Variants in ROS1 observed in about 807,000 individuals in gnomAD.
ROS1 encodes the protein ROS proto-oncogene 1, receptor tyrosine kinase.
Under a neutral mutation model 273.5 loss-of-function variants are expected in ROS1, and 263 were observed. That is an observed-to-expected ratio of 0.96 (90% CI 0.87 to 1.06). ROS1 has a LOEUF of 1.06. ROS1 is among the 50% of genes least tolerant of loss of function. ROS1 has a pLI of 0.00. For missense variants in ROS1, 2,833 were observed against 2,751.1 expected, an observed-to-expected ratio of 1.03 and a Z score of -0.67; for synonymous variants, 1,008 against 954.1, an observed-to-expected ratio of 1.06 and a Z score of -1.04.
chr6:117,310,964 C>T (rs1775498760), intron 40 of ROS1, 56 bp downstream of exon 40: 2 of 1,053,790 alleles, frequency 1.9e-6, no homozygotes, highest in Admixed American at 2.0e-5. Flanking sequence ...ACCTGCACTA[C>T]AGGTGATTAT....
intron 43 of ROS1, among the ~76,000 whole-genome samples, chr6:117,295,450 C>T (rs1477823161): frequency 6.6e-6 from 1 of 152,014 alleles, no homozygotes; most frequent in East Asian, 1.9e-4. Flanking sequence ...TGAGCAACAC[C>T]CCACAAGCAC....
At chr6:117,367,965 G>C (rs961110278) in intron 18 of ROS1, among the ~76,000 whole-genome samples, 1 of 152,030 alleles carries the variant, frequency 6.6e-6, no homozygotes, top group Non-Finnish European at 1.5e-5. Flanking sequence ...TCCTACTCTT[G>C]GTTAGTCATC....
Position 117,397,096 on chromosome 6 carries a change from T to C in ROS1, c.625A>G (p.Ile209Val), listed in dbSNP as rs746782086. The change falls in exon 8 of 44, where the codon ATT (isoleucine) becomes GTT (valine). Residue 209 changes from isoleucine to valine, a missense_variant. Coordinates refer to ENST00000368507, the MANE Select transcript of ROS1 (RefSeq NM_001378902.1). ...PHGVPETAPLIRNIESSSPDT... is the reference protein window; with the variant it reads ...PHGVPETAPLVRNIESSSPDT... ...GGACTTGAGCTCTCAATATTCCTAA[T>C]CAAAGGTGCAGTTTCAGGAACTGGA... is the stretch of plus-strand genomic sequence containing the variant. 9.3e-6 allele frequency: 15 copies of C among 1,612,898 alleles called. 2 individuals are homozygous for C. The South Asian group carries it at 1.4e-4, about 15-fold the overall frequency.
At chr6:117,403,752 T>C (rs1284345489) in intron 6 of ROS1, among the ~76,000 whole-genome samples, 1 of 152,198 alleles carries the variant, frequency 6.6e-6, no homozygotes, top group Middle Eastern at 3.2e-3. Context: ...GAAGGAATAG[T>C]ATATATGTCC....
intron 16 of ROS1, among the ~76,000 whole-genome samples, chr6:117,385,276 C>T (rs769629321): frequency 1.3e-5 from 2 of 152,044 alleles, no homozygotes; most frequent in Non-Finnish European, 2.9e-5. Context: ...GAGATGAGGC[C>T]GGGAGCGGTG....
At chr6:117,408,932 G>A (rs1249639694) in intron 5 of ROS1, among the ~76,000 whole-genome samples, 1 of 151,956 alleles carries the variant, frequency 6.6e-6, no homozygotes, top group Non-Finnish European at 1.5e-5. Context: ...GATGAAGCTG[G>A]AAACCATCAT....
In ROS1 at chr6:117,396,947, C is replaced by A; in HGVS notation, c.774G>T (p.Gln258His). Residue 258 changes from glutamine to histidine, a missense_variant, in exon 8 of 44, where the codon CAG becomes CAT. Physicochemically the swap from Gln to His is conservative, Grantham distance 24. Transcript: ENST00000368507. ...LDAGTQRTSFQFYSTLPNTIY... is the reference protein window; with the variant it reads ...LDAGTQRTSFHFYSTLPNTIY... ...TAGTATTTGGTAAAGTGGAGTAAAA[C>A]TGGAAACTGGTTCTCTGTGTCCCTG... is the stretch of plus-strand genomic sequence containing the variant. 2 of 1,614,022 alleles carry A rather than the reference C, an allele frequency of 1.2e-6. No homozygotes were observed. Among genetic ancestry groups the A allele is most frequent in the Non-Finnish European group, 1.7e-6 (2 of 1,179,912 alleles).
At chr6:117,329,274 T>G in intron 33 of ROS1, 55 bp downstream of exon 33, 1 of 822,892 alleles carries the variant, frequency 1.2e-6, no homozygotes, top group Non-Finnish European at 2.0e-6. Context: ...TTGATTACTT[T>G]ATAATTATCT....
At chr6:117,402,088 C>A (rs1165142736) in intron 7 of ROS1, among the ~76,000 whole-genome samples, 1 of 152,080 alleles carries the variant, frequency 6.6e-6, no homozygotes, top group African/African-American at 2.4e-5. Context: ...CGCATCAGAT[C>A]GTGTCACTCC....
At chr6:117,311,163 T>C (rs1428588861) in intron 39 of ROS1, 46 bp from the exon 40 acceptor site, 6 of 1,106,010 alleles carry the variant, frequency 5.4e-6, no homozygotes, top group Non-Finnish European at 8.2e-6. Flanking sequence ...CTAGTTTGCA[T>C]GAAATATATA....
Position 117,359,912 on chromosome 6 carries a change from C to T in ROS1, c.3530G>A (p.Arg1177Lys). The T allele has an allele frequency of 6.2e-7, 1 of 1,613,832 alleles. No individual in the cohort carries two copies. Among genetic ancestry groups the T allele is most frequent in the South Asian group, 1.1e-5 (1 of 91,068 alleles). The part of the protein sequence containing the change: ...NQVVWTFSAE[R>K]VISAVCYTAD... ...TGTGTAGCAAACGGCACTGATAACT[C>T]TTTCTGCTGAAAACGTCCACACAAC... The change falls in exon 24 of 44, where the codon AGA becomes AAA. Residue 1177 changes from arginine (R) to lysine (K), a missense_variant. By Grantham distance (26) the Arg-to-Lys change is conservative. Coordinates refer to ENST00000368507, the MANE Select transcript of ROS1 (RefSeq NM_001378902.1).
Position 117,327,134 on chromosome 6 carries a change from T to C in ROS1, c.5349-720A>G, listed in dbSNP as rs535471908. On this transcript the variant is annotated intron_variant, in intron 33 of 43. Transcript: ENST00000368507. The stretch of plus-strand genomic sequence containing the variant: ...CAATAGTTTTAGGACTTGGTGCCAA[T>C]CCACGGTAAGCTTAGGGATATGTGG... Among the ~76,000 whole-genome samples, 65 of 152,198 alleles carry C rather than the reference T, an allele frequency of 4.3e-4. 1 individual carries two copies. Among genetic ancestry groups the C allele is most frequent in the Non-Finnish European group, 7.8e-4 (53 of 68,042 alleles).
At chr6:117,350,850 A>T (rs1378590616) in intron 27 of ROS1, among the ~76,000 whole-genome samples, 1 of 151,618 alleles carries the variant, frequency 6.6e-6, no homozygotes, top group Non-Finnish European at 1.5e-5. Context: ...TTTTTCCTCA[A>T]ATATCCATAT....
rs771457051 is a variant in ROS1, at chr6:117,389,532, T to C, written c.1604A>G (p.Asn535Ser). 3.0e-5 allele frequency: 49 copies of C among 1,614,056 alleles called. No homozygotes were observed. Among genetic ancestry groups the C allele is most frequent in the Non-Finnish European group, 4.1e-5 (48 of 1,180,024 alleles). ...VIFQQDALSF[N>S]EFIVGCDLSH... is the part of the protein sequence containing the mutation. The stretch of plus-strand genomic sequence containing the variant: ...CAGGTCACATCCCACGATGAATTCA[T>C]TAAAAGACAAAGCATCCTGTTGGAA... The change falls in exon 13 of 44, where the codon AAT becomes AGT. Residue 535 changes from asparagine (N) to serine (S), a missense_variant. Transcript: ENST00000368507.
intron 12 of ROS1, 102 bp downstream of exon 12, chr6:117,393,122 A>G (rs1773197916): frequency 1.3e-6 from 1 of 766,362 alleles, no homozygotes. Flanking sequence ...AGATGCATAG[A>G]TAGGCTCATC....
chr6:117,319,370 A>G (rs554240954), intron 37 of ROS1, among the ~76,000 whole-genome samples: 2 of 152,294 alleles, frequency 1.3e-5, no homozygotes, highest in East Asian at 3.9e-4. Context: ...TTACTATTTC[A>G]TGACATATGA....
intron 43 of ROS1, among the ~76,000 whole-genome samples, chr6:117,297,808 T>C (rs963370080): frequency 6.6e-6 from 1 of 152,168 alleles, no homozygotes; most frequent in African/African-American, 2.4e-5. Context: ...GAAAACAGTA[T>C]GGAGATTTCT....
intron 25 of ROS1, among the ~76,000 whole-genome samples, chr6:117,357,274 A>G (rs1195265681): frequency 6.6e-6 from 1 of 152,150 alleles, no homozygotes; most frequent in Non-Finnish European, 1.5e-5. Flanking sequence ...CTGCTTCTTA[A>G]TACTAGTTAA....
At chr6:117,349,493 G>T (rs1021077711) in intron 27 of ROS1, among the ~76,000 whole-genome samples, 8 of 151,986 alleles carry the variant, frequency 5.3e-5, no homozygotes, top group African/African-American at 1.7e-4. Flanking sequence ...ACAATGTATA[G>T]TTGAGTCTGT....
Sources: gnomAD v4.1 joint callset for allele counts (sites outside exome capture counted in the v4.1 genomes callset) on GRCh38, gnomAD v4.1.1 for gene constraint, MANE v1.5 for transcripts, NCBI Gene and HGNC (gene_info 2026-07-23, HGNC 2026-07-21) for gene names.